The following SMIM28 variants were observed in gnomAD, a reference collection of about 807,000 sequenced individuals.
The protein encoded by SMIM28 is small integral membrane protein 28.
intron 1 of SMIM28, among the ~76,000 whole-genome samples, chr6:138,380,761 C>T (rs981031982): frequency 1.0e-5 from 1 of 99,108 alleles, no homozygotes; most frequent in African/African-American, 6.3e-5. Flanking sequence ...AGCGAGACCC[C>T]GTCTCTAAAT....
At chr6:138,380,917 T>A (rs1001307371) in intron 1 of SMIM28, among the ~76,000 whole-genome samples, 2 of 151,922 alleles carry the variant, frequency 1.3e-5, no homozygotes, top group Admixed American at 6.6e-5. Flanking sequence ...GTGTTTTTTT[T>A]TTTGAGACGG....
chr6:138,379,534 T>C (rs1774291091), intron 1 of SMIM28, among the ~76,000 whole-genome samples: 1 of 152,208 alleles, frequency 6.6e-6, no homozygotes, highest in Non-Finnish European at 1.5e-5. Context: ...ATCCATATTA[T>C]TGATAGAGAA....
In SMIM28 at chr6:138,382,603, T is replaced by C. The variant is rs1583091911; in HGVS notation, c.215T>C (p.Leu72Pro). Residue 72 changes from leucine to proline, a missense_variant, in exon 2 of 2, where the codon CTG (leucine) becomes CCG (proline). Transcript: ENST00000573100. ...TTCCTGGCATTTCTGCTGCTGTTCC[T>C]GTACCGCCGCTGCAAGTCCCCACCG... ...LLFLAFLLLF[L>P]YRRCKSPPPQ... is the part of the protein sequence containing the mutation. 2.5e-6 allele frequency: 1 copy of C among 399,096 alleles called. No homozygotes were observed. Among genetic ancestry groups the C allele is most frequent in the East Asian group, 3.6e-5 (1 of 28,056 alleles). 24.7% of individuals were successfully genotyped at this position (399,096 alleles called of 1,614,324 possible).
chr6:138,382,098 T>TA (rs1463126715), intron 1 of SMIM28, among the ~76,000 whole-genome samples: 3 of 152,116 alleles, frequency 2.0e-5, no homozygotes, highest in African/African-American at 7.2e-5. Context: ...TTCAGGGCCT[T>TA]AGAAATGTGA....
chr6:138,379,049 T>G (rs1288664875), intron 1 of SMIM28, among the ~76,000 whole-genome samples: 1 of 152,146 alleles, frequency 6.6e-6, no homozygotes, highest in African/African-American at 2.4e-5. Flanking sequence ...AAAAAATAAC[T>G]TTGAGGCGGG....
chr6:138,380,496 A>G (rs1172362100), intron 1 of SMIM28, among the ~76,000 whole-genome samples: 3 of 152,180 alleles, frequency 2.0e-5, no homozygotes, highest in Non-Finnish European at 4.4e-5. Flanking sequence ...GGCGGGGCGC[A>G]GTGGCTCATG....
At position 138,378,263 on chromosome 6, in the gene SMIM28, G is replaced by A. The variant is rs145420223; in HGVS notation, c.111+80G>A. On this transcript the variant is annotated intron_variant, in intron 1 of 1. Transcript: ENST00000573100. The stretch of plus-strand genomic sequence containing the variant: ...AAATCCATAATATCTATGGTTTTAG[G>A]ATCATAAAATGTAGTGGCAGCATTT... The A allele has an allele frequency of 1.2e-3, 470 of 397,584 alleles. 6 individuals are homozygous for A. In the East Asian group the frequency reaches 0.016, roughly 14 times the overall value. 24.6% of individuals were successfully genotyped at this position (397,584 alleles called of 1,614,324 possible). A position where few individuals can be genotyped will look rare whatever the true frequency, so the allele number is the denominator to read the frequency against.
chr6:138,377,938 A>G lies in SMIM28; in HGVS notation c.-135A>G. Reference sequence around the variant, plus strand: ...TGGTTGGTTTCTTTCCCCTGTTGCCATTCATCAGAGGACGAGTTTACCAAC... The same window carrying G: ...TGGTTGGTTTCTTTCCCCTGTTGCCGTTCATCAGAGGACGAGTTTACCAAC... On this transcript the variant is annotated 5_prime_UTR_variant, in exon 1 of 2. Transcript: ENST00000573100. The G allele has an allele frequency of 2.5e-6, 1 of 396,106 alleles. No individual in the cohort carries two copies. 24.5% of individuals were successfully genotyped at this position (396,106 alleles called of 1,614,324 possible).
intron 1 of SMIM28, among the ~76,000 whole-genome samples, 168 bp downstream of exon 1, chr6:138,378,351 G>C (rs1774277758): frequency 6.6e-6 from 1 of 152,182 alleles, no homozygotes; most frequent in Non-Finnish European, 1.5e-5. Flanking sequence ...GGGATAAATT[G>C]AAAGTTGCAT....
chr6:138,383,403 G>A lies in SMIM28; in HGVS notation c.*556G>A, dbSNP rs1228447767. Among the ~76,000 whole-genome samples the A allele has an allele frequency of 2.0e-5, 3 of 152,126 alleles. No individual in the cohort carries two copies. Among genetic ancestry groups the A allele is most frequent in the Admixed American group, 6.5e-5 (1 of 15,276 alleles). On this transcript the variant is annotated 3_prime_UTR_variant, in exon 2 of 2. Coordinates refer to ENST00000573100, the MANE Select transcript of SMIM28 (RefSeq NM_001368163.3). ...AGGGGATAGTTGTGTTGTAAATAAT[G>A]GTGAAATATATTACAATATTAGCAA...
Position 138,382,398 on chromosome 6 carries a change from A to G in SMIM28, c.112-102A>G, listed in dbSNP as rs9484154. 247 of 127,614 alleles carry G rather than the reference A, an allele frequency of 1.9e-3. 3 individuals carry two copies. Among genetic ancestry groups the G allele is most frequent in the African/African-American group, 8.2e-3 (123 of 14,946 alleles). The allele number at this position is 127,614 out of a possible 1,614,324, so 7.9% of individuals were successfully genotyped here. Reference sequence around the variant, plus strand: ...GGTGACGGAGCAAGACTGTGTCTCAAAAAAAAAAAAAAAAAAAAAGAAAGA... The same window carrying G: ...GGTGACGGAGCAAGACTGTGTCTCAGAAAAAAAAAAAAAAAAAAAGAAAGA... On this transcript the variant is annotated intron_variant, in intron 1 of 1. Transcript: ENST00000573100.
At chr6:138,378,504 CT>C (rs1258765499) in intron 1 of SMIM28, among the ~76,000 whole-genome samples, 1 of 152,194 alleles carries the variant, frequency 6.6e-6, no homozygotes, top group Non-Finnish European at 1.5e-5. Context: ...TATAACTTCG[CT>C]CTTTGCTCAG....
At chr6:138,381,797 A>G (rs1774315163) in intron 1 of SMIM28, among the ~76,000 whole-genome samples, 1 of 152,244 alleles carries the variant, frequency 6.6e-6, no homozygotes, top group African/African-American at 2.4e-5. Context: ...GTGGCAATAA[A>G]TCATAATTGG....
At position 138,378,200 on chromosome 6, in the gene SMIM28, T is replaced by C. The variant is rs1163939797; in HGVS notation, c.111+17T>C. The C allele has an allele frequency of 5.0e-6, 2 of 398,486 alleles. No homozygotes were observed. Among genetic ancestry groups the C allele is most frequent in the Non-Finnish European group, 8.8e-6 (2 of 226,048 alleles). The allele number at this position is 398,486 out of a possible 1,614,324, so 24.7% of individuals were successfully genotyped here. A position where few individuals can be genotyped will look rare whatever the true frequency, so the allele number is the denominator to read the frequency against. ...CAGCTGCAGGTCTGTACTTATGACT[T>C]AAGTCTTTTCTTCCCCAAAGCATCT... On this transcript the variant is annotated intron_variant, in intron 1 of 1. Transcript: ENST00000573100.
chr6:138,381,950 A>T (rs1774317360), intron 1 of SMIM28, among the ~76,000 whole-genome samples: 1 of 152,240 alleles, frequency 6.6e-6, no homozygotes, highest in Non-Finnish European at 1.5e-5. Context: ...ACTTTTTGAC[A>T]TATACTTTTC....
Position 138,378,148 on chromosome 6 carries a change from G to C in SMIM28, c.76G>C (p.Glu26Gln). ...GRGTYEWLTS[E>Q]PGLPLLETQL... ...GGGGACATATGAGTGGTTAACCAGC[G>C]AGCCCGGCCTGCCTCTCCTGGAGAC... The change falls in exon 1 of 2, where the codon GAG becomes CAG. Residue 26 changes from glutamate to glutamine, a missense_variant. Transcript: ENST00000573100. 2.5e-6 allele frequency: 1 copy of C among 398,640 alleles called. No individual in the cohort carries two copies. Among genetic ancestry groups the C allele is most frequent in the Non-Finnish European group, 4.4e-6 (1 of 226,102 alleles). 24.7% of individuals were successfully genotyped at this position (398,640 alleles called of 1,614,324 possible).
In SMIM28 at chr6:138,381,640, A is replaced by T. The variant is rs181202359; in HGVS notation, c.112-860A>T. 6.7e-3 allele frequency among the ~76,000 whole-genome samples: 1,026 copies of T among 152,342 alleles called. 8 individuals are homozygous for T. The highest frequency in any genetic ancestry group is 0.024 in the African/African-American group (997 of 41,570). On this transcript the variant is annotated intron_variant, in intron 1 of 1. Coordinates refer to ENST00000573100, the MANE Select transcript of SMIM28 (RefSeq NM_001368163.3). ...TTACAAAAACAAATTTAAAGAATTT[A>T]AAAAATCTCATTCATCATACGCACC...
intron 1 of SMIM28, among the ~76,000 whole-genome samples, chr6:138,380,787 T>TAAATAAATAAATAAATAGATA (rs1554213899): frequency 6.6e-6 from 1 of 151,142 alleles, no homozygotes; most frequent in African/African-American, 2.5e-5. Context: ...AATACATAAA[T>TAAATAAATAAATAAATAGATA]AAATGCAGGC....
chr6:138,382,098 T>C (rs182891683), intron 1 of SMIM28, among the ~76,000 whole-genome samples: 2 of 152,234 alleles, frequency 1.3e-5, no homozygotes, highest in Admixed American at 1.3e-4. Flanking sequence ...TTCAGGGCCT[T>C]AGAAATGTGA....
Sources: allele counts gnomAD v4.1 joint callset (sites outside exome capture counted in the v4.1 genomes callset), GRCh38; gene constraint gnomAD v4.1.1; transcripts MANE v1.5; gene names NCBI Gene and HGNC (gene_info 2026-07-23, HGNC 2026-07-21).